ACVR1: variants seen among roughly 807,000 people sequenced by gnomAD.
ACVR1 encodes the protein activin A receptor type 1, also known as activin receptor type-1.
ACVR1 carries 38 observed loss-of-function variants against 57.1 expected under a neutral mutation model. That is an observed-to-expected ratio of 0.67 (90% CI 0.51 to 0.87). The LOEUF (loss-of-function observed/expected upper bound fraction) is 0.87, where lower values mean the gene tolerates loss of function less well. Ranked by LOEUF, ACVR1 falls within the 40% of genes least tolerant of loss-of-function variation. The probability of loss-of-function intolerance (pLI) is 0.00; values close to 1 mark genes in which losing one functional copy is unlikely to be tolerated. For missense variants in ACVR1, 463 were observed against 638.2 expected, an observed-to-expected ratio of 0.73 and a Z score of 2.96; for synonymous variants, 212 against 228.1, an observed-to-expected ratio of 0.93 and a Z score of 0.63.
intron 2 of ACVR1, among the ~76,000 whole-genome samples, chr2:157,812,005 A>T (rs1687768804): frequency 6.6e-6 from 1 of 152,182 alleles, no homozygotes; most frequent in Admixed American, 6.5e-5. Flanking sequence ...AAGGAGATAA[A>T]GATGTTATAT....
At chr2:157,782,237 T>A (rs928347695) in intron 3 of ACVR1, among the ~76,000 whole-genome samples, 2 of 152,088 alleles carry the variant, frequency 1.3e-5, no homozygotes, top group African/African-American at 4.8e-5. Context: ...TCCCACAGAG[T>A]AAGTGCATGC....
In ACVR1 at chr2:157,788,419, G is replaced by A. The variant is rs564314703; in HGVS notation, c.68-7819C>T. 7.4e-4 allele frequency among the ~76,000 whole-genome samples: 112 copies of A among 152,184 alleles called. 1 individual carries two copies. The highest frequency in any genetic ancestry group is 2.6e-3 in the African/African-American group (109 of 41,508). On this transcript the variant is annotated intron_variant, in intron 3 of 10. Transcript: ENST00000434821. ...GACATGAATCATCCATTTGTCCAGC[G>A]TACCCACACTGTAGATGCTACCATC... is the stretch of plus-strand genomic sequence containing the variant.
chr2:157,751,212 GGAA>G (rs1393062481), intron 9 of ACVR1, among the ~76,000 whole-genome samples: 1 of 152,206 alleles, frequency 6.6e-6, no homozygotes, highest in Admixed American at 6.5e-5. Context: ...TCCAGATTAT[GGAA>G]GAAGGATTTG....
chr2:157,855,245 C>T (rs1160177843), intron 1 of ACVR1, among the ~76,000 whole-genome samples: 1 of 132,628 alleles, frequency 7.5e-6, no homozygotes, highest in African/African-American at 2.9e-5. Context: ...GGTGAAACCT[C>T]GTCTCTTAAA....
intron 9 of ACVR1, among the ~76,000 whole-genome samples, chr2:157,748,677 T>C (rs934283078): frequency 1.3e-5 from 2 of 151,590 alleles, no homozygotes; most frequent in Non-Finnish European, 2.9e-5. Flanking sequence ...TTACAATCCA[T>C]GTATGTTTAA....
chr2:157,737,379 C>A lies in ACVR1; in HGVS notation c.*152G>T. ...TAGGGTGGTTTTGATGTCTCCCCAA[C>A]ACATGGCTGGGTACGACGTCTGCCT... On this transcript the variant is annotated 3_prime_UTR_variant, in exon 11 of 11. Transcript: ENST00000434821. 9.7e-7 allele frequency: 1 copy of A among 1,026,628 alleles called. No individual in the cohort carries two copies. Among genetic ancestry groups the A allele is most frequent in the Non-Finnish European group, 1.5e-6 (1 of 683,936 alleles). 63.6% of individuals were successfully genotyped at this position (1,026,628 alleles called of 1,614,324 possible). A position where few individuals can be genotyped will look rare whatever the true frequency, so the allele number is the denominator to read the frequency against.
intron 5 of ACVR1, among the ~76,000 whole-genome samples, chr2:157,777,783 C>T (rs902172706): frequency 1.3e-5 from 2 of 152,170 alleles, no homozygotes; most frequent in African/African-American, 4.8e-5. Context: ...TAAAGGAGCA[C>T]TTTTATGGCT....
At chr2:157,849,094 T>A (rs1689216287) in intron 1 of ACVR1, among the ~76,000 whole-genome samples, 1 of 152,180 alleles carries the variant, frequency 6.6e-6, no homozygotes, top group Non-Finnish European at 1.5e-5. Flanking sequence ...AATCACTACC[T>A]CTCACCTAGA....
intron 8 of ACVR1, 90 bp from the exon 9 acceptor site, chr2:157,761,167 G>A: frequency 1.6e-6 from 2 of 1,273,680 alleles, no homozygotes; most frequent in Non-Finnish European, 2.2e-6. Context: ...AATCAAAAGT[G>A]CCCTCTTGTG....
intron 1 of ACVR1, among the ~76,000 whole-genome samples, chr2:157,847,476 T>G (rs1689160215): frequency 6.6e-6 from 1 of 152,220 alleles, no homozygotes; most frequent in Non-Finnish European, 1.5e-5. Flanking sequence ...AGCCTTAAAA[T>G]ACAACATCAG....
chr2:157,814,148 A>G (rs1687852001), intron 2 of ACVR1, among the ~76,000 whole-genome samples: 1 of 152,250 alleles, frequency 6.6e-6, no homozygotes, highest in Admixed American at 6.5e-5. Flanking sequence ...GATTTTAACT[A>G]TATAAAATTT....
chr2:157,853,857 T>C (rs1238353013), intron 1 of ACVR1, among the ~76,000 whole-genome samples: 1 of 152,218 alleles, frequency 6.6e-6, no homozygotes, highest in Non-Finnish European at 1.5e-5. Flanking sequence ...TATGCTAAAA[T>C]GCCCTTCCTC....
chr2:157,816,490 G>A (rs1183107551), intron 2 of ACVR1, among the ~76,000 whole-genome samples: 1 of 151,700 alleles, frequency 6.6e-6, no homozygotes, highest in Non-Finnish European at 1.5e-5. Context: ...CTAGTTACTT[G>A]GGAGGCTGAG....
At chr2:157,815,517 T>C (rs763035726) in intron 2 of ACVR1, among the ~76,000 whole-genome samples, 1 of 152,202 alleles carries the variant, frequency 6.6e-6, no homozygotes, top group African/African-American at 2.4e-5. Context: ...ATTAGGAAAC[T>C]ACTGAGCTGA....
intron 1 of ACVR1, among the ~76,000 whole-genome samples, chr2:157,841,981 C>T (rs1163002046): frequency 1.4e-5 from 2 of 141,804 alleles, no homozygotes; most frequent in Non-Finnish European, 3.0e-5. Context: ...GAGCCCAGAT[C>T]GTGCCACTGC....
chr2:157,783,097 G>C (rs947253029), intron 3 of ACVR1, among the ~76,000 whole-genome samples: 1 of 152,170 alleles, frequency 6.6e-6, no homozygotes, highest in Non-Finnish European at 1.5e-5. Context: ...CTCATCATTG[G>C]TCCTAAATGG....
At chr2:157,860,598 T>C (rs1413905214) in intron 1 of ACVR1, among the ~76,000 whole-genome samples, 1 of 152,232 alleles carries the variant, frequency 6.6e-6, no homozygotes, top group Non-Finnish European at 1.5e-5. Flanking sequence ...TCCTGCATTT[T>C]TCAAACTTAT....
intron 9 of ACVR1, among the ~76,000 whole-genome samples, chr2:157,742,030 G>A (rs1684794893): frequency 6.6e-6 from 1 of 152,158 alleles, no homozygotes; most frequent in Admixed American, 6.5e-5. Flanking sequence ...GAGGTGGAGA[G>A]AAGTTCTCTG....
intron 1 of ACVR1, among the ~76,000 whole-genome samples, chr2:157,856,833 A>G (rs1461179590): frequency 6.6e-6 from 1 of 152,234 alleles, no homozygotes; most frequent in Non-Finnish European, 1.5e-5. Context: ...CAAGATAATT[A>G]CATGGTCCGA....
Sources: gnomAD v4.1 joint callset for allele counts (sites outside exome capture counted in the v4.1 genomes callset) on GRCh38, gnomAD v4.1.1 for gene constraint, MANE v1.5 for transcripts, NCBI Gene and HGNC (gene_info 2026-07-23, HGNC 2026-07-21) for gene names.